NTN1: variants seen among roughly 807,000 people sequenced by gnomAD.
NTN1 encodes netrin 1.
A neutral mutation model predicts 54.2 loss-of-function variants in NTN1; 11 were observed. The observed-to-expected ratio is 0.20, with a 90% CI of 0.13 to 0.34. NTN1 has a LOEUF of 0.34. Among genes scored for constraint, NTN1 ranks in the 10% least tolerant of loss-of-function variants. NTN1 has a pLI of 1.00. For synonymous variants in NTN1, 371 were observed against 382.0 expected (o/e 0.97, Z 0.33); for missense variants, 740 against 893.1 (o/e 0.83, Z 2.18).
At position 9,228,873 on chromosome 17, in the gene NTN1, T is replaced by TGAGA. The variant is rs1475679057; in HGVS notation, c.1486+7632_1486+7633insAGAG. ...GTGTGACTGTGTATGAGAGTGTGTC[T>TGAGA]GTGTGTGACTACGCATGTGTGATTG... On this transcript the variant is annotated intron_variant, in intron 6 of 6. Transcript: ENST00000173229. 1.5e-3 allele frequency among the ~76,000 whole-genome samples: 18 copies of TGAGA among 12,224 alleles called. 1 individual carries two copies. The highest frequency in any genetic ancestry group is 1.9e-3 in the African/African-American group (6 of 3,108). The allele number at this position is 12,224 out of a possible 152,430, so 8.0% of individuals were successfully genotyped here. A position where few individuals can be genotyped will look rare whatever the true frequency, so the allele number is the denominator to read the frequency against.
At chr17:9,030,549 A>G (rs1174459487) in intron 2 of NTN1, among the ~76,000 whole-genome samples, 1 of 152,164 alleles carries the variant, frequency 6.6e-6, no homozygotes. Context: ...GTTCGAAACC[A>G]GTCTGGCCAA....
At chr17:9,158,569 T>C (rs1330114134) in intron 2 of NTN1, among the ~76,000 whole-genome samples, 1 of 152,198 alleles carries the variant, frequency 6.6e-6, no homozygotes, top group Non-Finnish European at 1.5e-5. Context: ...CTTCCAGTGA[T>C]AGGGGTCTTT....
At chr17:9,228,820 CTGTGTGTGTGTGTG>C (rs10641432) in intron 6 of NTN1, among the ~76,000 whole-genome samples, 1 of 141,310 alleles carries the variant, frequency 7.1e-6, no homozygotes, top group Admixed American at 7.0e-5. Flanking sequence ...ATCTGTTCAG[CTGTGTGTGTGTGTG>C]TGTGTGTGTG....
At chr17:9,140,270 A>G (rs996289040) in intron 2 of NTN1, among the ~76,000 whole-genome samples, 4 of 152,192 alleles carry the variant, frequency 2.6e-5, no homozygotes, top group African/African-American at 9.7e-5. Flanking sequence ...ACTGTGGCGC[A>G]GAGCAGGAGC....
intron 2 of NTN1, among the ~76,000 whole-genome samples, chr17:9,112,120 A>G (rs1026063180): frequency 6.6e-6 from 1 of 152,238 alleles, no homozygotes; most frequent in Non-Finnish European, 1.5e-5. Context: ...AGCTGTGCCC[A>G]TTGATCTGCC....
chr17:9,105,811 G>T (rs2092164336), intron 2 of NTN1, among the ~76,000 whole-genome samples: 1 of 152,010 alleles, frequency 6.6e-6, no homozygotes, highest in Non-Finnish European at 1.5e-5. Context: ...CCCCAAATGT[G>T]CAGGTGAGCT....
intron 2 of NTN1, among the ~76,000 whole-genome samples, chr17:9,065,669 C>A (rs1265625894): frequency 6.6e-6 from 1 of 152,176 alleles, no homozygotes; most frequent in Non-Finnish European, 1.5e-5. Flanking sequence ...GGGTATAGCC[C>A]GTGAGCTCAG....
At position 9,221,432 on chromosome 17, in the gene NTN1, G is replaced by A. The variant is rs1905350598; in HGVS notation, c.1486+190G>A. Among the ~76,000 whole-genome samples, 2 of 152,206 alleles carry A rather than the reference G, an allele frequency of 1.3e-5. No individual in the cohort carries two copies. The highest frequency in any genetic ancestry group is 6.5e-5 in the Admixed American group (1 of 15,290). On this transcript the variant is annotated intron_variant, in intron 6 of 6. Transcript: ENST00000173229. This position sits in a 1 kb window ranked among gnomAD's most constrained non-coding sequence, Gnocchi z 4.5. ...TCCTCCTTGGCCCTCAGAGACGGGG[G>A]CATGAGGAGCCCAGTGGCCTGGTTT...
upstream of NTN1, among the ~76,000 whole-genome samples, chr17:9,018,226 C>T (rs190840217): frequency 5.3e-5 from 8 of 152,212 alleles, no homozygotes; most frequent in Non-Finnish European, 8.8e-5. Context: ...GAAGGTGACC[C>T]CGCTCATCCT....
intron 2 of NTN1, among the ~76,000 whole-genome samples, chr17:9,097,516 T>A (rs1358924099): frequency 6.6e-6 from 1 of 151,978 alleles, no homozygotes; most frequent in African/African-American, 2.4e-5. Flanking sequence ...TCCCAGCTAT[T>A]TAGGAGGCTG....
rs1905275312 is a variant in NTN1, at chr17:9,219,140, C to T, written c.1412-2028C>T. 6.6e-6 allele frequency among the ~76,000 whole-genome samples: 1 copy of T among 152,196 alleles called. No individual in the cohort carries two copies. The highest frequency in any genetic ancestry group is 2.1e-4 in the South Asian group (1 of 4,834). On this transcript the variant is annotated intron_variant, in intron 5 of 6. Coordinates refer to ENST00000173229, the MANE Select transcript of NTN1 (RefSeq NM_004822.3). This position sits in a 1 kb window ranked among gnomAD's most constrained non-coding sequence, Gnocchi z 4.5. Reference sequence around the variant, plus strand: ...TCCCTGAGCTGGCAAAGATGTGGCCCAGAGCGGCTGTTCCTCACAGGGAAG... The same window carrying T: ...TCCCTGAGCTGGCAAAGATGTGGCCTAGAGCGGCTGTTCCTCACAGGGAAG...
intron 2 of NTN1, among the ~76,000 whole-genome samples, chr17:9,080,010 G>A (rs963793740): frequency 4.0e-5 from 6 of 151,122 alleles, no homozygotes; most frequent in Admixed American, 1.3e-4. Context: ...CCATGAGGAC[G>A]TGTTTCCCCA....
intron 2 of NTN1, among the ~76,000 whole-genome samples, chr17:9,079,266 C>G (rs1256243345): frequency 1.3e-5 from 2 of 152,186 alleles, no homozygotes; most frequent in East Asian, 1.9e-4. Context: ...GTAGGAGATA[C>G]CCAGGGGGTG....
rs75321024 is a variant in NTN1, at chr17:9,071,532, A to G, written c.1018+48141A>G. Among the ~76,000 whole-genome samples the G allele has an allele frequency of 6.3e-3, 961 of 152,296 alleles. 29 individuals are homozygous for G. The East Asian group carries it at 0.094, about 15-fold the overall frequency. The stretch of plus-strand genomic sequence containing the variant: ...AACAATGTTTGCAAAAAATGTACTA[A>G]AATGAATTATAGTTTCTAAGCCCTA... On this transcript the variant is annotated intron_variant, in intron 2 of 6. Transcript: ENST00000173229.
In NTN1 at chr17:9,239,741, C is replaced by G; in HGVS notation, c.1588C>G (p.Arg530Gly). The change falls in exon 7 of 7, where the codon CGC becomes GGC. Residue 530 changes from arginine (R) to glycine (G), a missense_variant. Transcript: ENST00000173229. This position sits in a 1 kb window ranked among gnomAD's most constrained non-coding sequence, Gnocchi z 5.2. ...TAAGCAGGGCACGAGCCGCATCCGC[C>G]GCGGTGACCAGAGCCTGTGGATCCG... ...VYKQGTSRIR[R>G]GDQSLWIRSR... 1 of 1,613,788 alleles carries G rather than the reference C, an allele frequency of 6.2e-7. No individual in the cohort carries two copies. The highest frequency in any genetic ancestry group is 8.5e-7 in the Non-Finnish European group (1 of 1,180,012).
chr17:9,080,654 A>G (rs1415337663), intron 2 of NTN1, among the ~76,000 whole-genome samples: 6 of 152,218 alleles, frequency 3.9e-5, no homozygotes, highest in African/African-American at 1.4e-4. Context: ...CAGAAAGACC[A>G]TGGCAGGGTG....
chr17:9,218,249 A>G (rs1905255485), intron 5 of NTN1, among the ~76,000 whole-genome samples: 1 of 152,212 alleles, frequency 6.6e-6, no homozygotes, highest in South Asian at 2.1e-4. Context: ...GGGCTGCCAG[A>G]CTGCCTCATT....
intron 2 of NTN1, among the ~76,000 whole-genome samples, chr17:9,041,409 A>G (rs1228376898): frequency 1.3e-5 from 2 of 152,202 alleles, no homozygotes; most frequent in East Asian, 3.9e-4. Flanking sequence ...AGATTTGCCT[A>G]TTCTGGACAT....
chr17:9,149,529 G>A (rs2092321852), intron 2 of NTN1, among the ~76,000 whole-genome samples: 1 of 152,158 alleles, frequency 6.6e-6, no homozygotes, highest in African/African-American at 2.4e-5. Context: ...TTAGTTTGGT[G>A]AAGTGTTAGT....
Sources: gnomAD v4.1 joint callset for allele counts (sites outside exome capture counted in the v4.1 genomes callset) on GRCh38, gnomAD v4.1.1 for gene constraint, Gnocchi (gnomAD v3.1) non-coding constraint, MANE v1.5 for transcripts, NCBI Gene and HGNC (gene_info 2026-07-23, HGNC 2026-07-21) for gene names.